ZNF236: variants seen among roughly 807,000 people sequenced by gnomAD.
ZNF236 encodes the protein zinc finger protein 236.
ZNF236 carries 50 observed loss-of-function variants against 191.2 expected under a neutral mutation model. That is an observed-to-expected ratio of 0.26 (90% CI 0.21 to 0.33). The LOEUF is 0.33. Ranked by LOEUF, ZNF236 falls within the 10% of genes least tolerant of loss-of-function variation. The probability of loss-of-function intolerance (pLI) is 1.00; values close to 1 mark genes in which losing one functional copy is unlikely to be tolerated. For missense variants in ZNF236, 1,754 were observed against 2,374.5 expected, an observed-to-expected ratio of 0.74 and a Z score of 5.43; for synonymous variants, 907 against 928.8, an observed-to-expected ratio of 0.98 and a Z score of 0.43.
At position 76,880,505 on chromosome 18, in the gene ZNF236, A is replaced by G. The variant is rs1976861055; in HGVS notation, c.1188+189A>G. 1.3e-5 allele frequency among the ~76,000 whole-genome samples: 2 copies of G among 152,122 alleles called. No individual in the cohort carries two copies. Among genetic ancestry groups the G allele is most frequent in the Non-Finnish European group, 2.9e-5 (2 of 68,014 alleles). The stretch of plus-strand genomic sequence containing the variant: ...GGACGGCGCAACATTCAAATGATTT[A>G]TTCATCTATACATTAAAAAAAAAAT... On this transcript the variant is annotated intron_variant, in intron 8 of 30. Transcript: ENST00000320610. This position sits in a 1 kb window ranked among gnomAD's most constrained non-coding sequence, Gnocchi z 5.0.
chr18:76,871,121 A>G (rs140135429), intron 4 of ZNF236, among the ~76,000 whole-genome samples: 70 of 152,292 alleles, frequency 4.6e-4, no homozygotes, highest in African/African-American at 1.5e-3. Context: ...AGAAAAATCC[A>G]GTGTGACTCC....
chr18:76,891,810 C>T (rs965746916), intron 9 of ZNF236, among the ~76,000 whole-genome samples: 1 of 152,064 alleles, frequency 6.6e-6, no homozygotes, highest in East Asian at 1.9e-4. Flanking sequence ...TGATCACACT[C>T]CCAAATCGAT....
At chr18:76,907,833 C>T (rs138810837) in intron 13 of ZNF236, among the ~76,000 whole-genome samples, 22 of 151,700 alleles carry the variant, frequency 1.5e-4, no homozygotes, top group Admixed American at 6.6e-4. Flanking sequence ...ACATTTGGAT[C>T]GTTGGTCCAA....
chr18:76,929,762 C>G lies in ZNF236; in HGVS notation c.4594+1656C>G, dbSNP rs557303267. Among the ~76,000 whole-genome samples the G allele has an allele frequency of 2.0e-5, 3 of 152,182 alleles. No individual in the cohort carries two copies. The South Asian group carries it at 6.2e-4, about 32-fold the overall frequency. On this transcript the variant is annotated intron_variant, in intron 25 of 30. Transcript: ENST00000320610. ...GAGAATTGGCTATACAGTTCCTTAT[C>G]CCATTTTGAAAGGGCTGCAAAAAGC... is the stretch of plus-strand genomic sequence containing the variant.
chr18:76,854,255 T>A (rs569644169), intron 3 of ZNF236, among the ~76,000 whole-genome samples: 1 of 152,168 alleles, frequency 6.6e-6, no homozygotes, highest in Non-Finnish European at 1.5e-5. Context: ...GAGAATGCAT[T>A]TGTGGTATTT....
chr18:76,845,009 A>G (rs548219322), intron 1 of ZNF236, among the ~76,000 whole-genome samples: 2 of 152,338 alleles, frequency 1.3e-5, no homozygotes, highest in Non-Finnish European at 2.9e-5. Flanking sequence ...TAGTAGCTAC[A>G]GGAAACATTG....
At chr18:76,961,280 C>T (rs1968660784) in intron 30 of ZNF236, among the ~76,000 whole-genome samples, 1 of 151,998 alleles carries the variant, frequency 6.6e-6, no homozygotes, top group Admixed American at 6.6e-5. Flanking sequence ...TCCTGTGTTA[C>T]TTCACTTAGA....
intron 27 of ZNF236, 27 bp downstream of exon 27, chr18:76,947,679 G>A (rs1968298228): frequency 6.2e-7 from 1 of 1,607,754 alleles, no homozygotes; most frequent in Non-Finnish European, 8.5e-7. Flanking sequence ...CATTCACAGA[G>A]CTTTTGTCGC....
At chr18:76,830,213 C>T (rs570743941) in intron 1 of ZNF236, among the ~76,000 whole-genome samples, 11 of 152,128 alleles carry the variant, frequency 7.2e-5, no homozygotes, top group South Asian at 4.1e-4. Flanking sequence ...AGTATGAACC[C>T]GTATTTTTTT....
chr18:76,913,771 T>C lies in ZNF236; in HGVS notation c.2934T>C (p.Phe978=). Residue 978 remains phenylalanine (F), a synonymous_variant, in exon 18 of 31, where the codon TTT becomes TTC. Coordinates refer to ENST00000320610, the MANE Select transcript of ZNF236 (RefSeq NM_001306089.2). ...GGTGTGACTATTGCAACAAAGGCTT[T>C]AAGAAGTCCAGCCACCTGAAGCAGC... The part of the protein sequence containing the change: ...SYRCDYCNKG[F]KKSSHLKQHV... 1 of 1,614,214 alleles carries C rather than the reference T, an allele frequency of 6.2e-7. No individual in the cohort carries two copies. Among genetic ancestry groups the C allele is most frequent in the Non-Finnish European group, 8.5e-7 (1 of 1,180,038 alleles).
At chr18:76,884,545 C>A (rs79775624) in intron 9 of ZNF236, among the ~76,000 whole-genome samples, 1,955 of 152,234 alleles carry the variant, frequency 0.013, 19 homozygotes, top group Middle Eastern at 0.034. Context: ...GGAAACTTTT[C>A]TAAAAGTCCT....
At chr18:76,942,887 G>C (rs368126295) in intron 26 of ZNF236, among the ~76,000 whole-genome samples, 3 of 149,046 alleles carry the variant, frequency 2.0e-5, no homozygotes, top group African/African-American at 7.3e-5. Flanking sequence ...ACTTTGGGAG[G>C]CCGAGGCGGG....
At chr18:76,891,435 C>T (rs1201642734) in intron 9 of ZNF236, among the ~76,000 whole-genome samples, 5 of 151,972 alleles carry the variant, frequency 3.3e-5, no homozygotes, top group East Asian at 1.9e-4. Context: ...TGTGGTGCCA[C>T]GATCATAGCT....
At chr18:76,905,540 C>A in intron 13 of ZNF236, 125 bp downstream of exon 13, 2 of 376,994 alleles carry the variant, frequency 5.3e-6, no homozygotes, top group African/African-American at 5.9e-5. Flanking sequence ...ACTATATGGG[C>A]TCAAGAAAAA....
intron 27 of ZNF236, among the ~76,000 whole-genome samples, chr18:76,955,106 G>A (rs1301878373): frequency 6.6e-6 from 1 of 152,114 alleles, no homozygotes; most frequent in Non-Finnish European, 1.5e-5. Flanking sequence ...ACTGGAATCT[G>A]TTGTTTATAA....
intron 9 of ZNF236, among the ~76,000 whole-genome samples, chr18:76,891,844 A>G (rs1374378985): frequency 6.6e-6 from 1 of 151,160 alleles, no homozygotes; most frequent in Non-Finnish European, 1.5e-5. Flanking sequence ...GGACTGTTCT[A>G]CTCCTCTAAT....
chr18:76,951,614 T>C (rs1320113517), intron 27 of ZNF236, among the ~76,000 whole-genome samples: 3 of 152,262 alleles, frequency 2.0e-5, no homozygotes, highest in Non-Finnish European at 4.4e-5. Flanking sequence ...ATTAAAACTT[T>C]CTGCTTATCA....
Position 76,927,207 on chromosome 18 carries a change from G to A in ZNF236, c.4173+25G>A. On this transcript the variant is annotated intron_variant, in intron 23 of 30. Transcript: ENST00000320610. This position sits in a 1 kb window ranked among gnomAD's most constrained non-coding sequence, Gnocchi z 5.4. Reference sequence around the variant, plus strand: ...GGTATGACACCTTCCATGGTCTCCTGTGCTGTAATTCTCTTGGCATCACAG... The same window carrying A: ...GGTATGACACCTTCCATGGTCTCCTATGCTGTAATTCTCTTGGCATCACAG... 6.2e-7 allele frequency: 1 copy of A among 1,612,030 alleles called. No homozygotes were observed. Among genetic ancestry groups the A allele is most frequent in the Non-Finnish European group, 8.5e-7 (1 of 1,178,198 alleles).
intron 10 of ZNF236, among the ~76,000 whole-genome samples, chr18:76,896,760 C>T (rs1233123585): frequency 6.6e-6 from 1 of 151,366 alleles, no homozygotes; most frequent in East Asian, 1.9e-4. Flanking sequence ...GTACCAAACA[C>T]AGTACAGCAC....
Sources: allele counts gnomAD v4.1 joint callset (sites outside exome capture counted in the v4.1 genomes callset), GRCh38; gene constraint gnomAD v4.1.1; non-coding constraint Gnocchi (gnomAD v3.1); transcripts MANE v1.5; gene names NCBI Gene and HGNC (gene_info 2026-07-23, HGNC 2026-07-21).